The following GALNT18 variants were observed in gnomAD, a reference collection of about 807,000 sequenced individuals.
GALNT18 encodes the protein GalNAc-transferase 18.
GALNT18 carries 44 observed loss-of-function variants against 69.5 expected under a neutral mutation model. The ratio of observed to expected loss-of-function variants is 0.63; its 90% confidence interval spans 0.50 to 0.81. GALNT18 has a LOEUF of 0.81. Among genes scored for constraint, GALNT18 ranks in the 40% least tolerant of loss-of-function variants. GALNT18 has a pLI of 0.00. For missense variants in GALNT18, 715 were observed against 810.0 expected, an observed-to-expected ratio of 0.88 and a Z score of 1.42; for synonymous variants, 364 against 318.2, an observed-to-expected ratio of 1.14 and a Z score of -1.53.
At position 11,339,776 on chromosome 11, in the gene GALNT18, C is replaced by T. The variant is rs777327108; in HGVS notation, c.1278+1043G>A. Reference sequence around the variant, plus strand: ...ACCCAACTCAAGTTCCCCTCTCCTACGGTGGTGGTGTGGCTGGGAGGTGGG... The same window carrying T: ...ACCCAACTCAAGTTCCCCTCTCCTATGGTGGTGGTGTGGCTGGGAGGTGGG... On this transcript the variant is annotated intron_variant, in intron 7 of 10. Transcript: ENST00000227756. This position sits in a 1 kb window ranked among gnomAD's most constrained non-coding sequence, Gnocchi z 5.2. Among the ~76,000 whole-genome samples the T allele has an allele frequency of 2.4e-4, 36 of 152,188 alleles. No individual in the cohort carries two copies. Among genetic ancestry groups the T allele is most frequent in the Non-Finnish European group, 4.3e-4 (29 of 68,028 alleles).
chr11:11,290,700 C>A (rs527611307), intron 10 of GALNT18, among the ~76,000 whole-genome samples: 1 of 152,206 alleles, frequency 6.6e-6, no homozygotes, highest in East Asian at 1.9e-4. Context: ...TGAGAAACCA[C>A]CAGCCCTGCC....
Position 11,621,332 on chromosome 11 carries a change from CG to C in GALNT18, c.235+26del. 6.3e-7 allele frequency: 1 copy of C among 1,599,388 alleles called. No homozygotes were observed. The highest frequency in any genetic ancestry group is 8.6e-7 in the Non-Finnish European group (1 of 1,168,288). On this transcript the variant is annotated intron_variant, in intron 1 of 10. Transcript: ENST00000227756. The surrounding 1 kb of genome is among the most constrained non-coding windows in gnomAD (Gnocchi z 9.3). ...GCGGGGCACTCCCGGGCCTCATGGG[CG>C]ACCCAAGTTTCCGGGGCGCCCGTAC...
Position 11,432,159 on chromosome 11 carries a change from C to T in GALNT18, c.595+462G>A, listed in dbSNP as rs1358211551. On this transcript the variant is annotated intron_variant, in intron 3 of 10. Coordinates refer to ENST00000227756, the MANE Select transcript of GALNT18 (RefSeq NM_198516.3). This position sits in a 1 kb window ranked among gnomAD's most constrained non-coding sequence, Gnocchi z 5.8. Reference sequence around the variant, plus strand: ...TGTCATTGAGTTACGTGTCCACTGCCATCCCCATCATCACCACCACTACAA... The same window carrying T: ...TGTCATTGAGTTACGTGTCCACTGCTATCCCCATCATCACCACCACTACAA... Among the ~76,000 whole-genome samples the T allele has an allele frequency of 1.3e-5, 2 of 152,200 alleles. No individual in the cohort carries two copies. Among genetic ancestry groups the T allele is most frequent in the Non-Finnish European group, 2.9e-5 (2 of 68,026 alleles).
rs1858830431 is a variant in GALNT18, at chr11:11,573,109, C to T, written c.235+48250G>A. On this transcript the variant is annotated intron_variant, in intron 1 of 10. Transcript: ENST00000227756. The surrounding 1 kb of genome is among the most constrained non-coding windows in gnomAD (Gnocchi z 4.6). ...ACCCAGGGCCAGCAAGGAGTGGACA[C>T]TGGGTCTGAATTCACATTGAACTGG... Among the ~76,000 whole-genome samples the T allele has an allele frequency of 6.6e-6, 1 of 152,200 alleles. No homozygotes were observed. Among genetic ancestry groups the T allele is most frequent in the South Asian group, 2.1e-4 (1 of 4,832 alleles).
chr11:11,575,464 G>A (rs11602626), intron 1 of GALNT18, among the ~76,000 whole-genome samples: 33,646 of 152,188 alleles, frequency 0.22, 4,412 homozygotes, highest in African/African-American at 0.36. Flanking sequence ...AAGGAAGCCT[G>A]TGAAGGAGGG....
chr11:11,462,289 TC>T (rs67701772), intron 1 of GALNT18, among the ~76,000 whole-genome samples: 30,249 of 142,038 alleles, frequency 0.21, 3,715 homozygotes, highest in Non-Finnish European at 0.26. Flanking sequence ...TTTTTTTTTT[TC>T]CTTTGCGATG....
intron 10 of GALNT18, among the ~76,000 whole-genome samples, chr11:11,273,456 C>G (rs943172363): frequency 2.0e-5 from 3 of 152,178 alleles, no homozygotes; most frequent in Admixed American, 2.0e-4. Flanking sequence ...TGCTCAACAT[C>G]AGTAATTACC....
chr11:11,445,464 T>C (rs111495320), intron 2 of GALNT18, among the ~76,000 whole-genome samples: 2 of 152,220 alleles, frequency 1.3e-5, no homozygotes, highest in Non-Finnish European at 1.5e-5. Context: ...GTTTCCAAAA[T>C]GAATTAAGAA....
chr11:11,385,805 G>A (rs552846029), intron 3 of GALNT18, among the ~76,000 whole-genome samples: 8 of 152,190 alleles, frequency 5.3e-5, no homozygotes, highest in South Asian at 2.1e-4. Flanking sequence ...TAATACCTCC[G>A]AATGAGACCT....
chr11:11,580,344 C>G (rs1475059981), intron 1 of GALNT18, among the ~76,000 whole-genome samples: 1 of 152,202 alleles, frequency 6.6e-6, no homozygotes, highest in South Asian at 2.1e-4. Flanking sequence ...AAAGACTAGC[C>G]CTGGGTCCTC....
chr11:11,368,934 C>T (rs1038116954), intron 6 of GALNT18, among the ~76,000 whole-genome samples: 3 of 152,316 alleles, frequency 2.0e-5, no homozygotes, highest in South Asian at 2.1e-4. Context: ...TTAAAACTCT[C>T]CCTGTGGGAA....
intron 3 of GALNT18, among the ~76,000 whole-genome samples, chr11:11,416,559 G>T (rs1331315854): frequency 1.3e-5 from 2 of 152,174 alleles, no homozygotes; most frequent in South Asian, 2.1e-4. Flanking sequence ...GGTGAGGAAA[G>T]GTTTAAAGAT....
At chr11:11,423,185 C>T (rs1477471894) in intron 3 of GALNT18, among the ~76,000 whole-genome samples, 2 of 148,540 alleles carry the variant, frequency 1.3e-5, no homozygotes, top group East Asian at 3.9e-4. Flanking sequence ...TGCACACATG[C>T]ACACACACAC....
rs904406344 is a variant in GALNT18 at position 11,606,692 on chromosome 11, G to A, written c.235+14667C>T. Among the ~76,000 whole-genome samples, 1 of 152,114 alleles carries A rather than the reference G, an allele frequency of 6.6e-6. No homozygotes were observed. The highest frequency in any genetic ancestry group is 1.5e-5 in the Non-Finnish European group (1 of 68,028). Reference sequence around the variant, plus strand: ...CCACCTCTTTGTCCCATAAGCACCTGGTTTCATCTGAGGACAAACAAGTAA... The same window carrying A: ...CCACCTCTTTGTCCCATAAGCACCTAGTTTCATCTGAGGACAAACAAGTAA... On this transcript the variant is annotated intron_variant, in intron 1 of 10. Coordinates refer to ENST00000227756, the MANE Select transcript of GALNT18 (RefSeq NM_198516.3). This position sits in a 1 kb window ranked among gnomAD's most constrained non-coding sequence, Gnocchi z 5.4.
chr11:11,293,020 G>C lies in GALNT18; in HGVS notation c.1677+9C>G. The C allele has an allele frequency of 7.3e-7, 1 of 1,363,198 alleles. No homozygotes were observed. The highest frequency in any genetic ancestry group is 9.5e-7 in the Non-Finnish European group (1 of 1,048,188). The allele number at this position is 1,363,198 out of a possible 1,614,324, so 84.4% of individuals were successfully genotyped here. A position where few individuals can be genotyped will look rare whatever the true frequency, so the allele number is the denominator to read the frequency against. The stretch of plus-strand genomic sequence containing the variant: ...GGCTGCCACTGTGCCCGGGCTCTGG[G>C]GCTGTTACCTGAGAGAACTGCCAGT... On this transcript the variant is annotated intron_variant, in intron 10 of 10. Coordinates refer to ENST00000227756, the MANE Select transcript of GALNT18 (RefSeq NM_198516.3).
intron 1 of GALNT18, among the ~76,000 whole-genome samples, chr11:11,518,504 G>C (rs1857329227): frequency 6.6e-6 from 1 of 152,164 alleles, no homozygotes; most frequent in South Asian, 2.1e-4. Context: ...TGTACCTTTA[G>C]GTGTCGTGGT....
chr11:11,450,073 A>G (rs749999168), intron 1 of GALNT18, among the ~76,000 whole-genome samples: 2 of 148,012 alleles, frequency 1.4e-5, no homozygotes, highest in South Asian at 4.5e-4. Flanking sequence ...GAGAAATTGG[A>G]CAGAACTGGC....
At position 11,573,378 on chromosome 11, in the gene GALNT18, A is replaced by G. The variant is rs1165552264; in HGVS notation, c.235+47981T>C. 6.6e-6 allele frequency: 1 copy of G among 152,254 alleles called. No individual in the cohort carries two copies. The highest frequency in any genetic ancestry group is 1.5e-5 in the Non-Finnish European group (1 of 68,046). The allele number at this position is 152,254 out of a possible 1,614,324, so 9.4% of individuals were successfully genotyped here. On this transcript the variant is annotated intron_variant, in intron 1 of 10. Coordinates refer to ENST00000227756, the MANE Select transcript of GALNT18 (RefSeq NM_198516.3). This position sits in a 1 kb window ranked among gnomAD's most constrained non-coding sequence, Gnocchi z 4.6. ...CCTGCTCCTTCTCTTACACTAAGGT[A>G]CATGTGCCCACCTAAGTATCAGCCA...
chr11:11,373,456 C>T (rs1182883993), intron 5 of GALNT18, among the ~76,000 whole-genome samples: 1 of 152,182 alleles, frequency 6.6e-6, no homozygotes, highest in Non-Finnish European at 1.5e-5. Context: ...TTGGAGACCA[C>T]TCATCAATAC....
Sources: gnomAD v4.1 joint callset for allele counts (sites outside exome capture counted in the v4.1 genomes callset) on GRCh38, gnomAD v4.1.1 for gene constraint, Gnocchi (gnomAD v3.1) non-coding constraint, MANE v1.5 for transcripts, NCBI Gene and HGNC (gene_info 2026-07-23, HGNC 2026-07-21) for gene names.